AP4E1: variants seen among roughly 807,000 people sequenced by gnomAD.
AP4E1 encodes the protein AP-4 complex subunit epsilon-1.
Under a neutral mutation model 128.2 loss-of-function variants are expected in AP4E1, and 56 were observed. The observed-to-expected ratio is 0.44, with a 90% CI of 0.35 to 0.55. The LOEUF (loss-of-function observed/expected upper bound fraction) is 0.55. Among genes scored for constraint, AP4E1 ranks in the 20% least tolerant of loss-of-function variants. The pLI is 0.00. For synonymous variants in AP4E1, 484 were observed against 473.1 expected, an observed-to-expected ratio of 1.02 and a Z score of -0.30; for missense variants, 1,324 against 1,307.7, an observed-to-expected ratio of 1.01 and a Z score of -0.19.
At chr15:50,943,357 A>G (rs922189303) in intron 10 of AP4E1, among the ~76,000 whole-genome samples, 1 of 152,176 alleles carries the variant, frequency 6.6e-6, no homozygotes, top group Non-Finnish European at 1.5e-5. Context: ...TGAAGATTAC[A>G]AATTTTAAAT....
chr15:50,919,112 C>G (rs1443933376), intron 3 of AP4E1, among the ~76,000 whole-genome samples: 1 of 151,968 alleles, frequency 6.6e-6, no homozygotes, highest in African/African-American at 2.4e-5. Flanking sequence ...TGCCTGTAGT[C>G]CCAGCTACTA....
At chr15:50,945,494 A>G in intron 10 of AP4E1, 1 of 758,314 alleles carries the variant, frequency 1.3e-6, no homozygotes, top group Admixed American at 1.8e-5. Flanking sequence ...GTAATGTTCC[A>G]TATGGATCAT....
At chr15:50,983,979 T>A in intron 15 of AP4E1, 43 bp from the exon 16 acceptor site, 1 of 1,599,990 alleles carries the variant, frequency 6.3e-7, no homozygotes, top group Non-Finnish European at 8.5e-7. Flanking sequence ...AGTTTTTTGC[T>A]TTGTTTTAAA....
intron 3 of AP4E1, among the ~76,000 whole-genome samples, chr15:50,923,247 T>G (rs965047338): frequency 2.0e-5 from 3 of 152,364 alleles, no homozygotes; most frequent in East Asian, 3.9e-4. Context: ...CTAGATTATA[T>G]GTACATGGCA....
chr15:50,958,263 A>ATG (rs903176520), intron 13 of AP4E1, among the ~76,000 whole-genome samples: 2 of 152,252 alleles, frequency 1.3e-5, no homozygotes, highest in African/African-American at 4.8e-5. Context: ...TTGTAAAGGT[A>ATG]TGCTGCTTTA....
At chr15:50,927,849 T>A (rs2063787132) in intron 5 of AP4E1, among the ~76,000 whole-genome samples, 2 of 152,166 alleles carry the variant, frequency 1.3e-5, no homozygotes, top group South Asian at 4.2e-4. Context: ...CAGAAATATC[T>A]GTTAAGGAAC....
chr15:50,947,606 T>G (rs955015493), intron 10 of AP4E1, among the ~76,000 whole-genome samples: 16 of 152,192 alleles, frequency 1.1e-4, no homozygotes, highest in African/African-American at 3.9e-4. Flanking sequence ...TTCTGTAGCA[T>G]GGGAAATAGT....
chr15:50,989,781 T>G (rs543457059), intron 16 of AP4E1, among the ~76,000 whole-genome samples: 2 of 152,254 alleles, frequency 1.3e-5, no homozygotes, highest in Admixed American at 1.3e-4. Flanking sequence ...TACATATACA[T>G]CTACTACCCT....
At chr15:50,935,384 G>A (rs1437220027) in intron 8 of AP4E1, among the ~76,000 whole-genome samples, 1 of 147,382 alleles carries the variant, frequency 6.8e-6, no homozygotes, top group Admixed American at 6.6e-5. Flanking sequence ...ATTGTTACAT[G>A]CAATTTAAAA....
intron 13 of AP4E1, among the ~76,000 whole-genome samples, chr15:50,955,062 T>C (rs1184413357): frequency 6.6e-6 from 1 of 152,244 alleles, no homozygotes; most frequent in Non-Finnish European, 1.5e-5. Flanking sequence ...ATGGTGTATA[T>C]GTGCCACATT....
chr15:50,999,218 T>A lies in AP4E1; in HGVS notation c.3051T>A (p.Ala1017=), dbSNP rs1468608014. The part of the protein sequence containing the change: ...ISYHMMDTHS[A]QLEFSVNLSL... Reference sequence around the variant, plus strand: ...ATCATATGATGGATACTCATTCTGCTCAGCTGGAATTTTCTGTAAACTTAT... The same window carrying A: ...ATCATATGATGGATACTCATTCTGCACAGCTGGAATTTTCTGTAAACTTAT... Residue 1017 remains alanine (A), a synonymous_variant, in exon 19 of 21, where the codon GCT becomes GCA. Transcript: ENST00000261842. 6.2e-7 allele frequency: 1 copy of A among 1,612,800 alleles called. No individual in the cohort carries two copies. The highest frequency in any genetic ancestry group is 8.5e-7 in the Non-Finnish European group (1 of 1,179,264).
chr15:50,956,498 G>A (rs1453711555), intron 13 of AP4E1, among the ~76,000 whole-genome samples: 1 of 152,058 alleles, frequency 6.6e-6, no homozygotes, highest in African/African-American at 2.4e-5. Context: ...AATTTATAAA[G>A]AAAAGAGGTT....
In AP4E1 at chr15:50,944,903, T is replaced by C. The variant is rs932041751; in HGVS notation, c.1177-3117T>C. The C allele has an allele frequency of 7.5e-6, 6 of 801,604 alleles. No homozygotes were observed. The African/African-American group carries it at 1.0e-4, about 14-fold the overall frequency. The allele number at this position is 801,604 out of a possible 1,614,324, so 49.7% of individuals were successfully genotyped here. A position where few individuals can be genotyped will look rare whatever the true frequency, so the allele number is the denominator to read the frequency against. On this transcript the variant is annotated intron_variant, in intron 10 of 20. Coordinates refer to ENST00000261842, the MANE Select transcript of AP4E1 (RefSeq NM_007347.5). ...CAAAGCATCCAAAGAACCTGGCTAC[T>C]GTCCTTTCTGGGGCGTGTGATGGAG...
chr15:50,919,570 ATAAATAAG>A lies in AP4E1; in HGVS notation c.346+4007_346+4014del, dbSNP rs1250349194. 6.5e-3 allele frequency among the ~76,000 whole-genome samples: 888 copies of A among 135,666 alleles called. 6 individuals carry two copies. Among genetic ancestry groups the A allele is most frequent in the Middle Eastern group, 0.023 (6 of 262 alleles). 89.0% of individuals were successfully genotyped at this position (135,666 alleles called of 152,430 possible). ...AATAAATAAATAAATAAATAAATAA[ATAAATAAG>A]TAAATAAATTATGCTGTAATTAATA... On this transcript the variant is annotated intron_variant, in intron 3 of 20. Coordinates refer to ENST00000261842, the MANE Select transcript of AP4E1 (RefSeq NM_007347.5).
chr15:50,964,955 C>CCACACACACACACACACACACA lies in AP4E1; in HGVS notation c.1852-3292_1852-3271dup, dbSNP rs55825810. 6.2e-3 allele frequency among the ~76,000 whole-genome samples: 816 copies of CCACACACACACACACACACACA among 131,402 alleles called. 12 individuals carry two copies. Among genetic ancestry groups the CCACACACACACACACACACACA allele is most frequent in the African/African-American group, 0.017 (561 of 33,168 alleles). The allele number at this position is 131,402 out of a possible 152,430, so 86.2% of individuals were successfully genotyped here. A position where few individuals can be genotyped will look rare whatever the true frequency, so the allele number is the denominator to read the frequency against. On this transcript the variant is annotated intron_variant, in intron 14 of 20. Transcript: ENST00000261842. ...TTGTAAAGTATAACACCTCCCCCTA[C>CCACACACACACACACACACACA]CACACACACACACACACACACACAC... is the stretch of plus-strand genomic sequence containing the variant.
At chr15:50,912,894 C>T (rs1054057210) in intron 2 of AP4E1, among the ~76,000 whole-genome samples, 3 of 152,090 alleles carry the variant, frequency 2.0e-5, no homozygotes, top group Non-Finnish European at 4.4e-5. Context: ...GCACTCCTGA[C>T]CTCAAGCGAT....
chr15:50,920,855 A>G (rs2063693830), intron 3 of AP4E1, among the ~76,000 whole-genome samples: 1 of 152,092 alleles, frequency 6.6e-6, no homozygotes, highest in Non-Finnish European at 1.5e-5. Context: ...CTAGAGTGCA[A>G]TGGCACGATC....
At chr15:50,915,684 A>ACTG in intron 3 of AP4E1, 113 bp downstream of exon 3, 1 of 1,302,430 alleles carries the variant, frequency 7.7e-7, no homozygotes, top group Non-Finnish European at 1.1e-6. Flanking sequence ...CTGTATTATA[A>ACTG]TTTCTAAAAC....
At chr15:50,959,536 C>G (rs2064280809) in intron 14 of AP4E1, among the ~76,000 whole-genome samples, 1 of 152,184 alleles carries the variant, frequency 6.6e-6, no homozygotes. Context: ...TTCATCCCCA[C>G]TAGACCAACC....
Sources: gnomAD v4.1 joint callset for allele counts (sites outside exome capture counted in the v4.1 genomes callset) on GRCh38, gnomAD v4.1.1 for gene constraint, MANE v1.5 for transcripts, NCBI Gene and HGNC (gene_info 2026-07-23, HGNC 2026-07-21) for gene names.